Variants in ANKRD12 observed in about 807,000 individuals in gnomAD.
ANKRD12 encodes the protein ankyrin repeat domain-containing protein 12.
In ANKRD12, 85 loss-of-function variants were observed where a neutral mutation model predicts 183.4. The ratio of observed to expected loss-of-function variants is 0.46; its 90% confidence interval spans 0.39 to 0.56. The LOEUF is 0.56. ANKRD12 is among the 20% of genes least tolerant of loss of function. ANKRD12 has a pLI of 0.00. For synonymous variants in ANKRD12, 914 were observed against 800.2 expected (o/e 1.14, Z -2.40); for missense variants, 2,405 against 2,357.1 (o/e 1.02, Z -0.42).
Position 9,157,625 on chromosome 18 carries a change from T to G in ANKRD12, c.-52+20660T>G, listed in dbSNP as rs1234921648. 2.3e-5 allele frequency among the ~76,000 whole-genome samples: 3 copies of G among 132,116 alleles called. No individual in the cohort carries two copies. In the East Asian group the frequency reaches 6.5e-4, roughly 28 times the overall value. 86.7% of individuals were successfully genotyped at this position (132,116 alleles called of 152,430 possible). A position where few individuals can be genotyped will look rare whatever the true frequency, so the allele number is the denominator to read the frequency against. ...TGTATTTTTTTTTTTTTTTTTGAGA[T>G]GGAGTCTTGCTCTGTCTCCCAGGCT... On this transcript the variant is annotated intron_variant, in intron 1 of 12. Transcript: ENST00000262126.
chr18:9,169,142 A>G (rs1251431355), intron 1 of ANKRD12, among the ~76,000 whole-genome samples: 2 of 152,108 alleles, frequency 1.3e-5, no homozygotes, highest in South Asian at 2.1e-4. Flanking sequence ...ACTTCCAACT[A>G]TGTGGTCAAT....
In ANKRD12 at chr18:9,256,034, G is replaced by A. The variant is rs1239756277; in HGVS notation, c.2767G>A (p.Ala923Thr). 6.4e-7 allele frequency: 1 copy of A among 1,560,608 alleles called. No individual in the cohort carries two copies. Among genetic ancestry groups the A allele is most frequent in the Non-Finnish European group, 8.6e-7 (1 of 1,160,444 alleles). ...AAAGCCTGAAAAAGAGAGGCATCTA[G>A]CAGAAAGCAAAGAAAAGCACTTGAT... ...KEKPEKERHL[A>T]ESKEKHLMEK... Residue 923 changes from alanine (A) to threonine (T), a missense_variant, in exon 9 of 13, where the codon GCA (alanine) becomes ACA (threonine). Physicochemically the swap from Ala to Thr is moderately conservative, Grantham distance 58. Around this residue, in one of 7 missense-constraint regions of ANKRD12, gnomAD observed 1,983 missense variants for 1,725.9 expected, o/e 1.15. Coordinates refer to ENST00000262126, the MANE Select transcript of ANKRD12 (RefSeq NM_015208.5).
chr18:9,154,298 T>C (rs2143635596), intron 1 of ANKRD12, among the ~76,000 whole-genome samples: 1 of 152,234 alleles, frequency 6.6e-6, no homozygotes, highest in Middle Eastern at 3.4e-3. Flanking sequence ...AACATGTGCC[T>C]GCAGTCTCAG....
chr18:9,226,007 T>G (rs559116780), intron 8 of ANKRD12, among the ~76,000 whole-genome samples: 29 of 152,324 alleles, frequency 1.9e-4, no homozygotes, highest in Admixed American at 1.6e-3. Flanking sequence ...ATGCATTTCA[T>G]TAGAGTTTAA....
intron 9 of ANKRD12, among the ~76,000 whole-genome samples, chr18:9,261,938 A>G (rs960892446): frequency 4.6e-5 from 7 of 152,188 alleles, no homozygotes; most frequent in Non-Finnish European, 1.0e-4. Context: ...CCAAAACTAA[A>G]ACAGCACCAA....
chr18:9,141,768 C>G (rs1247300964), intron 1 of ANKRD12, among the ~76,000 whole-genome samples: 1 of 152,134 alleles, frequency 6.6e-6, no homozygotes, highest in Non-Finnish European at 1.5e-5. Flanking sequence ...AGTGTGTACT[C>G]AGGCCATAAC....
chr18:9,239,508 G>T, intron 8 of ANKRD12: 2 of 1,286,876 alleles, frequency 1.6e-6, no homozygotes, highest in African/African-American at 1.5e-5. Context: ...GAATGTGCCT[G>T]AATTATTGCT....
chr18:9,248,358 C>A (rs2145092085), intron 8 of ANKRD12, among the ~76,000 whole-genome samples: 1 of 152,320 alleles, frequency 6.6e-6, no homozygotes, highest in Admixed American at 6.5e-5. Context: ...ATTTACATAA[C>A]AATTTTGCCC....
chr18:9,175,542 T>TTTTTG (rs2033190955), intron 1 of ANKRD12, among the ~76,000 whole-genome samples: 1 of 134,378 alleles, frequency 7.4e-6, no homozygotes. Flanking sequence ...TTTTTTTTTT[T>TTTTTG]TTTTTTTTTG....
At position 9,258,159 on chromosome 18, in the gene ANKRD12, A is replaced by C; in HGVS notation, c.4892A>C (p.His1631Pro). 1 of 1,613,880 alleles carries C rather than the reference A, an allele frequency of 6.2e-7. No individual in the cohort carries two copies. Among genetic ancestry groups the C allele is most frequent in the Admixed American group, 1.7e-5 (1 of 59,964 alleles). Residue 1631 changes from histidine (H) to proline (P), a missense_variant, in exon 9 of 13, where the codon CAT becomes CCT. Transcript: ENST00000262126. The part of the protein sequence containing the change: ...NSTTDTQVIS[H>P]EKENKLESLV... ...ACAACTGATACTCAGGTCATTTCAC[A>C]TGAAAAAGAAAACAAACTGGAGAGT...
intron 6 of ANKRD12, among the ~76,000 whole-genome samples, chr18:9,212,846 T>C (rs1350483545): frequency 6.6e-6 from 1 of 151,962 alleles, no homozygotes; most frequent in East Asian, 1.9e-4. Flanking sequence ...TCAGTAGTGA[T>C]GGTAAACATT....
chr18:9,258,578 A>G lies in ANKRD12; in HGVS notation c.5311A>G (p.Ile1771Val). The G allele has an allele frequency of 1.2e-6, 2 of 1,613,894 alleles. No homozygotes were observed. The highest frequency in any genetic ancestry group is 1.3e-5 in the African/African-American group (1 of 75,050). ...TGAATCCTCATCTCCTAGAGGAAGA[A>G]TAAGATTAACTGAAGATGACGATCC... ...DSESSSPRGR[I>V]RLTEDDDPQI... Residue 1771 changes from isoleucine (I) to valine (V), a missense_variant, in exon 9 of 13, where the codon ATA becomes GTA. Ile to Val is a conservative substitution (Grantham distance 29). Coordinates refer to ENST00000262126, the MANE Select transcript of ANKRD12 (RefSeq NM_015208.5).
chr18:9,205,348 A>T (rs1157653492), intron 4 of ANKRD12, among the ~76,000 whole-genome samples: 6 of 151,772 alleles, frequency 4.0e-5, no homozygotes, highest in Non-Finnish European at 5.9e-5. Context: ...TGGGTGTCTA[A>T]GTGTCTAGTT....
rs1458320243 is a variant in ANKRD12, at chr18:9,282,377, TC to T, written c.*1253del. On this transcript the variant is annotated 3_prime_UTR_variant, in exon 13 of 13. Coordinates refer to ENST00000262126, the MANE Select transcript of ANKRD12 (RefSeq NM_015208.5). ...AACAGGTTAATATGTTGTATTTTTTTCCTTGTATCAAGATGCAAAACATAAT... is the reference window on the plus strand; with the variant it reads ...AACAGGTTAATATGTTGTATTTTTTTCTTGTATCAAGATGCAAAACATAAT... 1.3e-5 allele frequency: 2 copies of T among 152,684 alleles called. No homozygotes were observed. Among genetic ancestry groups the T allele is most frequent in the South Asian group, 2.1e-4 (1 of 4,826 alleles). 9.5% of individuals were successfully genotyped at this position (152,684 alleles called of 1,614,324 possible). A position where few individuals can be genotyped will look rare whatever the true frequency, so the allele number is the denominator to read the frequency against.
chr18:9,156,652 A>G (rs913996325), intron 1 of ANKRD12, among the ~76,000 whole-genome samples: 2 of 152,226 alleles, frequency 1.3e-5, no homozygotes, highest in Non-Finnish European at 2.9e-5. Flanking sequence ...CATCAAAAAT[A>G]TATTTGCATT....
chr18:9,172,585 C>T (rs1381284893), intron 1 of ANKRD12, among the ~76,000 whole-genome samples: 2 of 152,198 alleles, frequency 1.3e-5, no homozygotes, highest in Admixed American at 6.5e-5. Flanking sequence ...CAGTTATGCT[C>T]CTCTCTAAAC....
chr18:9,279,963 AATCTAT>A (rs2145499759), intron 12 of ANKRD12, among the ~76,000 whole-genome samples: 1 of 152,376 alleles, frequency 6.6e-6, no homozygotes, highest in South Asian at 2.1e-4. Context: ...ATAGTTTTCA[AATCTAT>A]AAATTATTTG....
intron 8 of ANKRD12, among the ~76,000 whole-genome samples, chr18:9,235,017 T>C (rs1175848670): frequency 6.6e-6 from 1 of 152,200 alleles, no homozygotes; most frequent in East Asian, 1.9e-4. Flanking sequence ...GACTTCTCTG[T>C]TGGACTTTAA....
chr18:9,201,072 G>A (rs2035136840), intron 3 of ANKRD12, among the ~76,000 whole-genome samples: 1 of 152,172 alleles, frequency 6.6e-6, no homozygotes, highest in South Asian at 2.1e-4. Flanking sequence ...GCCTATTCTA[G>A]TTGCAGCGGA....
Sources: allele counts gnomAD v4.1 joint callset (sites outside exome capture counted in the v4.1 genomes callset), GRCh38; gene constraint gnomAD v4.1.1; regional missense constraint gnomAD v4.1.1; transcripts MANE v1.5; gene names NCBI Gene and HGNC (gene_info 2026-07-23, HGNC 2026-07-21).